TRIM67: variants seen among roughly 807,000 people sequenced by gnomAD.
TRIM67 encodes tripartite motif containing 67.
A neutral mutation model predicts 71.0 loss-of-function variants in TRIM67; 39 were observed. That is an observed-to-expected ratio of 0.55 (90% CI 0.43 to 0.72). TRIM67 has a LOEUF of 0.72. Ranked by LOEUF, TRIM67 falls within the 30% of genes least tolerant of loss-of-function variation. The pLI is 0.00. For synonymous variants in TRIM67, 481 were observed against 473.9 expected (o/e 1.01, Z -0.19); for missense variants, 973 against 1,079.2 (o/e 0.90, Z 1.38).
intron 1 of TRIM67, among the ~76,000 whole-genome samples, chr1:231,193,255 A>G (rs1683280272): frequency 6.6e-6 from 1 of 152,182 alleles, no homozygotes; most frequent in Non-Finnish European, 1.5e-5. Flanking sequence ...TGTGCAGCAC[A>G]GTGGGATAGA....
Position 231,206,749 on chromosome 1 carries a change from T to C in TRIM67, c.1778T>C (p.Val593Ala), listed in dbSNP as rs754140639. ...ARVKAFNSSG[V>A]GPYSKTVVLQ... ...GTCAAAGCTTTCAACTCTTCTGGTGTCGGGCCTTACAGTAAAACTGTCGTC... is the reference window on the plus strand; with the variant it reads ...GTCAAAGCTTTCAACTCTTCTGGTGCCGGGCCTTACAGTAAAACTGTCGTC... Residue 593 changes from valine (V) to alanine (A), a missense_variant, in exon 7 of 10, where the codon GTC (valine) becomes GCC (alanine). Coordinates refer to ENST00000366653, the MANE Select transcript of TRIM67 (RefSeq NM_001004342.5). 9 of 1,611,106 alleles carry C rather than the reference T, an allele frequency of 5.6e-6. No homozygotes were observed. In the South Asian group the frequency reaches 7.7e-5, roughly 14 times the overall value.
chr1:231,166,203 T>C (rs1437679249), intron 1 of TRIM67, among the ~76,000 whole-genome samples: 1 of 152,218 alleles, frequency 6.6e-6, no homozygotes, highest in Non-Finnish European at 1.5e-5. Flanking sequence ...TGTGACATCC[T>C]CCTAAATCCA....
chr1:231,182,202 T>C (rs1191288557), intron 1 of TRIM67, among the ~76,000 whole-genome samples: 1 of 152,162 alleles, frequency 6.6e-6, no homozygotes, highest in Non-Finnish European at 1.5e-5. Flanking sequence ...AATTCACTTA[T>C]TCAACAAATA....
intron 8 of TRIM67, among the ~76,000 whole-genome samples, chr1:231,212,283 G>A (rs954035980): frequency 5.3e-5 from 8 of 152,146 alleles, no homozygotes; most frequent in Admixed American, 3.3e-4. Flanking sequence ...GGTCTATGCC[G>A]GACACGAACT....
chr1:231,164,354 T>A (rs1412667096), intron 1 of TRIM67, among the ~76,000 whole-genome samples: 1 of 152,170 alleles, frequency 6.6e-6, no homozygotes, highest in Non-Finnish European at 1.5e-5. Flanking sequence ...ACCTTGATGG[T>A]CCCTTTTGAG....
chr1:231,183,578 C>A (rs1162647140), intron 1 of TRIM67, among the ~76,000 whole-genome samples: 6 of 152,244 alleles, frequency 3.9e-5, no homozygotes, highest in Non-Finnish European at 8.8e-5. Flanking sequence ...GGCACCACTG[C>A]AATCCAGACT....
intron 5 of TRIM67, among the ~76,000 whole-genome samples, chr1:231,202,169 G>C (rs1683563150): frequency 4.5e-3 from 2 of 444 alleles, no homozygotes; most frequent in Non-Finnish European, 0.01. Flanking sequence ...AGGAGGTAGT[G>C]GAGGAGGAGG....
At chr1:231,180,341 T>C (rs964274370) in intron 1 of TRIM67, among the ~76,000 whole-genome samples, 3 of 152,244 alleles carry the variant, frequency 2.0e-5, no homozygotes, top group African/African-American at 7.2e-5. Context: ...ATGCTTATCT[T>C]ATTATCTCTT....
chr1:231,163,246 G>A lies in TRIM67; in HGVS notation c.277G>A (p.Gly93Arg). ...SAAGGLGGGA[G>R]GGGDHADKLS... ...AGCTGGCGGCCTCGGCGGCGGTGCG[G>A]GAGGTGGCGGAGACCACGCGGACAA... Residue 93 changes from glycine to arginine, a missense_variant, in exon 1 of 10, where the codon GGA becomes AGA. By Grantham distance (125) the Gly-to-Arg change is moderately radical. This residue lies in a region of TRIM67 where 795 missense variants were observed against 831.3 expected (regional missense o/e 0.96). Transcript: ENST00000366653. The A allele has an allele frequency of 6.6e-7, 1 of 1,507,836 alleles. No homozygotes were observed. The highest frequency in any genetic ancestry group is 1.8e-4 in the Middle Eastern group (1 of 5,676). The allele number at this position is 1,507,836 out of a possible 1,614,324, so 93.4% of individuals were successfully genotyped here. A position where few individuals can be genotyped will look rare whatever the true frequency, so the allele number is the denominator to read the frequency against.
At position 231,215,784 on chromosome 1, in the gene TRIM67, T is replaced by C; in HGVS notation, c.*344T>C. 9.3e-7 allele frequency: 1 copy of C among 1,078,080 alleles called. No homozygotes were observed. Among genetic ancestry groups the C allele is most frequent in the Non-Finnish European group, 1.1e-6 (1 of 890,254 alleles). 66.8% of individuals were successfully genotyped at this position (1,078,080 alleles called of 1,614,324 possible). Reference sequence around the variant, plus strand: ...ATCTGTTTTCAAAGCTTGTCTTTTTTTGGAGGGAGAGGAAGGTAGACTTTG... The same window carrying C: ...ATCTGTTTTCAAAGCTTGTCTTTTTCTGGAGGGAGAGGAAGGTAGACTTTG... On this transcript the variant is annotated 3_prime_UTR_variant, in exon 10 of 10. Transcript: ENST00000366653.
rs1290130284 is a variant in TRIM67, at chr1:231,215,493, G to A, written c.*53G>A. The A allele has an allele frequency of 9.8e-6, 15 of 1,531,142 alleles. No individual in the cohort carries two copies. Among genetic ancestry groups the A allele is most frequent in the Middle Eastern group, 1.7e-4 (1 of 5,866 alleles). The allele number at this position is 1,531,142 out of a possible 1,614,324, so 94.8% of individuals were successfully genotyped here. On this transcript the variant is annotated 3_prime_UTR_variant, in exon 10 of 10. Coordinates refer to ENST00000366653, the MANE Select transcript of TRIM67 (RefSeq NM_001004342.5). ...TGACAGTGACATTCACAGGCAAAAC[G>A]CCCACCATTCTCACTAAGCTCAAAT...
intron 1 of TRIM67, chr1:231,187,507 A>G: frequency 6.6e-7 from 1 of 1,515,958 alleles, no homozygotes; most frequent in South Asian, 1.3e-5. Context: ...TTAAAAAAAA[A>G]AAACAATACC....
At chr1:231,202,608 T>G (rs2102753172) in intron 5 of TRIM67, among the ~76,000 whole-genome samples, 1 of 152,274 alleles carries the variant, frequency 6.6e-6, no homozygotes, top group Non-Finnish European at 1.5e-5. Context: ...TCTTTGGTTT[T>G]TGTGGACTGA....
intron 1 of TRIM67, among the ~76,000 whole-genome samples, chr1:231,166,055 T>C (rs765733301): frequency 2.6e-5 from 4 of 152,220 alleles, no homozygotes; most frequent in Non-Finnish European, 5.9e-5. Flanking sequence ...TGGCTTGGTG[T>C]CAACAGCAGT....
intron 1 of TRIM67, among the ~76,000 whole-genome samples, chr1:231,196,736 T>G (rs990109100): frequency 6.6e-6 from 1 of 152,198 alleles, no homozygotes; most frequent in African/African-American, 2.4e-5. Flanking sequence ...CAACTGATCC[T>G]CATGCTTCAG....
intron 7 of TRIM67, among the ~76,000 whole-genome samples, chr1:231,207,245 C>T (rs1365553077): frequency 6.6e-6 from 1 of 152,194 alleles, no homozygotes; most frequent in Non-Finnish European, 1.5e-5. Context: ...GTAGGACAGT[C>T]CCAGACAAGA....
At chr1:231,183,383 G>T (rs898145098) in intron 1 of TRIM67, among the ~76,000 whole-genome samples, 7 of 152,146 alleles carry the variant, frequency 4.6e-5, no homozygotes, top group Non-Finnish European at 1.0e-4. Flanking sequence ...AGGATCACTT[G>T]AGGCCAGGAA....
At chr1:231,212,974 A>G (rs1025606629) in intron 8 of TRIM67, among the ~76,000 whole-genome samples, 1 of 152,062 alleles carries the variant, frequency 6.6e-6, no homozygotes, top group African/African-American at 2.4e-5. Context: ...CTTGATTTCA[A>G]CTTCAGCACC....
At chr1:231,169,993 C>CTTTTTTTTTTTT (rs369558747) in intron 1 of TRIM67, among the ~76,000 whole-genome samples, 1 of 136,136 alleles carries the variant, frequency 7.3e-6, no homozygotes, top group African/African-American at 3.2e-5. Flanking sequence ...TTCTTTCTCT[C>CTTTTTTTTTTTT]TTTTTTTTTT....
Sources: allele counts gnomAD v4.1 joint callset (sites outside exome capture counted in the v4.1 genomes callset), GRCh38; gene constraint gnomAD v4.1.1; regional missense constraint gnomAD v4.1.1; transcripts MANE v1.5; gene names NCBI Gene and HGNC (gene_info 2026-07-23, HGNC 2026-07-21).